The following PPP4R2 variants were observed in gnomAD, a reference collection of about 807,000 sequenced individuals.
PPP4R2 encodes the protein protein phosphatase 4 regulatory subunit 2.
PPP4R2 carries 13 observed loss-of-function variants against 47.2 expected under a neutral mutation model. The observed-to-expected ratio is 0.28, with a 90% CI of 0.18 to 0.44. PPP4R2 has a LOEUF of 0.44. PPP4R2 is among the 20% of genes least tolerant of loss of function. PPP4R2 has a pLI of 1.00. For synonymous variants in PPP4R2, 151 were observed against 163.3 expected, an observed-to-expected ratio of 0.92 and a Z score of 0.57; for missense variants, 421 against 491.2, an observed-to-expected ratio of 0.86 and a Z score of 1.35.
chr3:73,042,809 T>G (rs1702406080), intron 2 of PPP4R2, among the ~76,000 whole-genome samples: 1 of 152,216 alleles, frequency 6.6e-6, no homozygotes, highest in Non-Finnish European at 1.5e-5. Context: ...TTGCATCGTA[T>G]TGATCTAATT....
At chr3:73,019,904 T>C (rs1185868943) in intron 2 of PPP4R2, among the ~76,000 whole-genome samples, 1 of 152,210 alleles carries the variant, frequency 6.6e-6, no homozygotes, top group African/African-American at 2.4e-5. Context: ...TTTTGTCTTA[T>C]TTTCCACTCT....
intron 2 of PPP4R2, among the ~76,000 whole-genome samples, chr3:73,017,762 T>A (rs1216312712): frequency 6.6e-6 from 1 of 152,016 alleles, no homozygotes; most frequent in East Asian, 1.9e-4. Flanking sequence ...AGTCTTGCTC[T>A]GTCGCCCAGG....
intron 2 of PPP4R2, among the ~76,000 whole-genome samples, chr3:73,030,801 A>G (rs911914979): frequency 3.3e-5 from 5 of 151,856 alleles, no homozygotes; most frequent in Admixed American, 1.3e-4. Context: ...TCCCGGATTC[A>G]AGCAATTATC....
At chr3:73,063,934 C>T in intron 6 of PPP4R2, 69 bp from the exon 7 acceptor site, 1 of 1,407,626 alleles carries the variant, frequency 7.1e-7, no homozygotes, top group Non-Finnish European at 9.8e-7. Flanking sequence ...GATGTATTCA[C>T]ATCAACATAC....
chr3:73,064,009 T>C lies in PPP4R2; in HGVS notation c.501T>C (p.Asn167=), dbSNP rs767950805. ...GNSPSYTERS[N]INGPGTPRPL... The stretch of plus-strand genomic sequence containing the variant: ...TTCATTTATCTTATTATAGGTCTAA[T>C]ATAAATGGGCCTGGGACACCCAGGC... Residue 167 remains asparagine, a synonymous_variant, in exon 7 of 9, where the codon AAT becomes AAC. Coordinates refer to ENST00000356692, the MANE Select transcript of PPP4R2 (RefSeq NM_174907.4). 4 of 1,593,122 alleles carry C rather than the reference T, an allele frequency of 2.5e-6. No individual in the cohort carries two copies. The highest frequency in any genetic ancestry group is 1.4e-5 in the African/African-American group (1 of 73,444).
intron 2 of PPP4R2, among the ~76,000 whole-genome samples, chr3:73,024,333 A>G (rs1702016896): frequency 6.6e-6 from 1 of 152,208 alleles, no homozygotes; most frequent in South Asian, 2.1e-4. Context: ...GAAAATAGCA[A>G]TAAAGTTACT....
chr3:73,053,518 A>G (rs964765796), intron 3 of PPP4R2, among the ~76,000 whole-genome samples: 1 of 152,352 alleles, frequency 6.6e-6, no homozygotes, highest in East Asian at 1.9e-4. Flanking sequence ...GATTAACTTT[A>G]TTAAAAGCTT....
At chr3:72,997,352 C>G (rs914144641) in intron 1 of PPP4R2, 8 of 361,564 alleles carry the variant, frequency 2.2e-5, no homozygotes, top group African/African-American at 1.7e-4. Flanking sequence ...GTTCAGGGGA[C>G]GAGTGGCGGA....
intron 5 of PPP4R2, chr3:73,062,293 C>CTG (rs1481212438): frequency 6.2e-7 from 1 of 1,607,928 alleles, no homozygotes; most frequent in Non-Finnish European, 8.5e-7. Context: ...AGTGGGCTCC[C>CTG]TGACCTTCAA....
chr3:73,051,566 C>T (rs1702613684), intron 3 of PPP4R2, among the ~76,000 whole-genome samples: 1 of 152,038 alleles, frequency 6.6e-6, no homozygotes, highest in African/African-American at 2.4e-5. Context: ...TAGTATTTTG[C>T]CGTAAGAAAG....
intron 3 of PPP4R2, among the ~76,000 whole-genome samples, chr3:73,052,775 CTG>C (rs750553222): frequency 1.3e-4 from 20 of 152,200 alleles, no homozygotes; most frequent in Non-Finnish European, 1.9e-4. Flanking sequence ...CCTCCTCACT[CTG>C]TGAATAGTAA....
intron 2 of PPP4R2, among the ~76,000 whole-genome samples, chr3:73,043,984 T>C (rs989073921): frequency 1.3e-5 from 2 of 152,234 alleles, no homozygotes; most frequent in Admixed American, 1.3e-4. Flanking sequence ...AGTGGAATCA[T>C]ACAATAGTCG....
intron 2 of PPP4R2, among the ~76,000 whole-genome samples, chr3:73,034,973 C>T (rs1229486437): frequency 1.3e-5 from 2 of 152,016 alleles, no homozygotes; most frequent in African/African-American, 4.8e-5. Flanking sequence ...AAAGCTTCCG[C>T]ACAAGGGAAG....
intron 2 of PPP4R2, among the ~76,000 whole-genome samples, chr3:72,998,665 A>C (rs562515003): frequency 1.3e-5 from 2 of 152,270 alleles, no homozygotes; most frequent in African/African-American, 2.4e-5. Context: ...CAGATGCTAC[A>C]GTTTTGACTT....
At chr3:73,050,516 T>C (rs1702589163) in intron 3 of PPP4R2, among the ~76,000 whole-genome samples, 1 of 152,264 alleles carries the variant, frequency 6.6e-6, no homozygotes, top group Admixed American at 6.5e-5. Flanking sequence ...TTTCCACCAG[T>C]TTGAGGGTTT....
chr3:73,065,294 A>G, intron 8 of PPP4R2, 103 bp from the exon 9 acceptor site: 1 of 1,326,116 alleles, frequency 7.5e-7, no homozygotes, highest in Non-Finnish European at 1.0e-6. Flanking sequence ...GCTGAATTTC[A>G]GGGGATGTGA....
At chr3:73,015,372 T>A (rs1701804402) in intron 2 of PPP4R2, among the ~76,000 whole-genome samples, 1 of 152,268 alleles carries the variant, frequency 6.6e-6, no homozygotes, top group African/African-American at 2.4e-5. Flanking sequence ...AGACAGGGTT[T>A]TGCCATGTTG....
chr3:73,066,206 A>T lies in PPP4R2; in HGVS notation c.*484A>T, dbSNP rs1702991738. 6.9e-6 allele frequency: 1 copy of T among 145,768 alleles called. No individual in the cohort carries two copies. The highest frequency in any genetic ancestry group is 1.5e-5 in the Non-Finnish European group (1 of 66,672). 9.0% of individuals were successfully genotyped at this position (145,768 alleles called of 1,614,324 possible). ...GGTTTCCAGATTTTATTGTTTGGCT[A>T]CGTACAATGGAACTTTAAGTCATAT... On this transcript the variant is annotated 3_prime_UTR_variant, in exon 9 of 9. Transcript: ENST00000356692.
chr3:72,998,709 T>C (rs1400413118), intron 2 of PPP4R2, among the ~76,000 whole-genome samples: 1 of 152,224 alleles, frequency 6.6e-6, no homozygotes, highest in East Asian at 1.9e-4. Context: ...TTGTTACATA[T>C]GCTCAGCATT....
Sources: allele counts gnomAD v4.1 joint callset (sites outside exome capture counted in the v4.1 genomes callset), GRCh38; gene constraint gnomAD v4.1.1; transcripts MANE v1.5; gene names NCBI Gene and HGNC (gene_info 2026-07-23, HGNC 2026-07-21).